DGKI: variants seen among roughly 807,000 people sequenced by gnomAD.
DGKI encodes DAG kinase iota.
Under a neutral mutation model 147.5 loss-of-function variants are expected in DGKI, and 55 were observed. That is an observed-to-expected ratio of 0.37 (90% confidence interval 0.30 to 0.47). DGKI has a LOEUF of 0.47. DGKI is among the 20% of genes least tolerant of loss of function. The probability of loss-of-function intolerance (pLI) is 1.00; values close to 1 mark genes in which losing one functional copy is unlikely to be tolerated. For synonymous variants in DGKI, 469 were observed against 477.1 expected, an observed-to-expected ratio of 0.98 and a Z score of 0.22; for missense variants, 1,007 against 1,323.8, an observed-to-expected ratio of 0.76 and a Z score of 3.71.
intron 1 of DGKI, among the ~76,000 whole-genome samples, chr7:137,813,576 AAAGAAACTG>A (rs938682956): frequency 6.6e-6 from 1 of 152,134 alleles, no homozygotes; most frequent in Non-Finnish European, 1.5e-5. Flanking sequence ...CTTAAAACAG[AAAGAAACTG>A]ATGTCAACTC....
intron 3 of DGKI, among the ~76,000 whole-genome samples, chr7:137,664,093 G>A (rs1456450785): frequency 2.6e-5 from 4 of 152,104 alleles, no homozygotes; most frequent in Non-Finnish European, 5.9e-5. Flanking sequence ...AAAAAATAGT[G>A]CGGCTGGGTG....
At chr7:137,810,264 A>G (rs1399181225) in intron 1 of DGKI, among the ~76,000 whole-genome samples, 1 of 152,242 alleles carries the variant, frequency 6.6e-6, no homozygotes, top group South Asian at 2.1e-4. Flanking sequence ...GTTCCCTACC[A>G]ATCAATGGAT....
intron 1 of DGKI, among the ~76,000 whole-genome samples, chr7:137,824,515 C>CA (rs532349887): frequency 1.4e-3 from 80 of 56,506 alleles, no homozygotes; most frequent in East Asian, 5.4e-3. Context: ...GACTCCATCT[C>CA]AAAAAAAAAA....
Position 137,774,567 on chromosome 7 carries a change from C to G in DGKI, c.401+71895G>C, listed in dbSNP as rs1796305968. The G allele has an allele frequency of 2.0e-5, 3 of 152,152 alleles. No individual in the cohort carries two copies. The South Asian group carries it at 6.2e-4, about 32-fold the overall frequency. 9.4% of individuals were successfully genotyped at this position (152,152 alleles called of 1,614,324 possible). On this transcript the variant is annotated intron_variant, in intron 1 of 32. Coordinates refer to ENST00000614521, the MANE Select transcript of DGKI (RefSeq NM_001321708.2). Reference sequence around the variant, plus strand: ...CCATTACCCTCCCCCTACACACACACAGAGTAAAAAATAAAATTGAACTCA... The same window carrying G: ...CCATTACCCTCCCCCTACACACACAGAGAGTAAAAAATAAAATTGAACTCA...
intron 6 of DGKI, among the ~76,000 whole-genome samples, chr7:137,638,228 T>C (rs1379839338): frequency 6.6e-6 from 1 of 151,964 alleles, no homozygotes; most frequent in African/African-American, 2.4e-5. Flanking sequence ...CATTTGCTGG[T>C]GGCTCTCTGG....
chr7:137,748,336 C>T (rs544253683), intron 1 of DGKI, among the ~76,000 whole-genome samples: 31 of 148,076 alleles, frequency 2.1e-4, no homozygotes, highest in African/African-American at 7.7e-4. Flanking sequence ...TATATAAACA[C>T]ATCTATTGTG....
intron 6 of DGKI, among the ~76,000 whole-genome samples, chr7:137,640,843 G>A (rs1017729546): frequency 6.6e-6 from 1 of 152,118 alleles, no homozygotes; most frequent in Non-Finnish European, 1.5e-5. Flanking sequence ...GAGTAGTTTT[G>A]ATGTTTTCCC....
At chr7:137,460,109 C>T (rs1585135190) in intron 27 of DGKI, among the ~76,000 whole-genome samples, 1 of 152,236 alleles carries the variant, frequency 6.6e-6, no homozygotes, top group African/African-American at 2.4e-5. Context: ...TGAACCTTTC[C>T]TATCCCCCAA....
intron 28 of DGKI, among the ~76,000 whole-genome samples, chr7:137,423,307 C>T (rs914831659): frequency 3.3e-5 from 5 of 152,202 alleles, no homozygotes; most frequent in African/African-American, 1.2e-4. Context: ...TTTACCCCTT[C>T]CTCCAACATC....
chr7:137,761,022 C>G (rs963073976), intron 1 of DGKI, among the ~76,000 whole-genome samples: 17 of 152,144 alleles, frequency 1.1e-4, no homozygotes, highest in South Asian at 4.1e-4. Flanking sequence ...CTCTCAGCAT[C>G]GAAACACAAT....
intron 1 of DGKI, among the ~76,000 whole-genome samples, chr7:137,839,156 G>A (rs999331330): frequency 1.3e-5 from 2 of 152,158 alleles, no homozygotes; most frequent in African/African-American, 4.8e-5. Flanking sequence ...CACACTGACT[G>A]TGCCTCTCTC....
chr7:137,485,238 C>A (rs1012250179), intron 23 of DGKI, 136 bp downstream of exon 23: 4 of 716,032 alleles, frequency 5.6e-6, no homozygotes, highest in East Asian at 2.8e-5. Flanking sequence ...AATCAGAATA[C>A]CATTTTCACT....
chr7:137,628,584 C>T (rs1032325467), intron 6 of DGKI, among the ~76,000 whole-genome samples: 1 of 152,106 alleles, frequency 6.6e-6, no homozygotes, highest in African/African-American at 2.4e-5. Flanking sequence ...CTGACAGATG[C>T]CCTGACTGAA....
At chr7:137,581,096 A>G (rs1264883009) in intron 15 of DGKI, among the ~76,000 whole-genome samples, 5 of 152,160 alleles carry the variant, frequency 3.3e-5, no homozygotes, top group Admixed American at 6.6e-5. Context: ...ACTACAAAAC[A>G]TAAGTCAAAC....
At chr7:137,541,159 G>A (rs1243631091) in intron 20 of DGKI, among the ~76,000 whole-genome samples, 2 of 152,182 alleles carry the variant, frequency 1.3e-5, no homozygotes, top group Non-Finnish European at 2.9e-5. Context: ...TACAATAATA[G>A]AAAGAATATG....
At chr7:137,419,808 G>A (rs919852423) in intron 28 of DGKI, among the ~76,000 whole-genome samples, 1 of 152,128 alleles carries the variant, frequency 6.6e-6, no homozygotes, top group Non-Finnish European at 1.5e-5. Flanking sequence ...AAAAAGACAT[G>A]TGACAAATTA....
rs1019337724 is a variant in DGKI, at chr7:137,689,348, T to A, written c.510+546A>T. ...TCAACTAAAGAGTTTCAGACTATAA[T>A]CTTCAAGTCAAGTTAATAGTTTTTG... On this transcript the variant is annotated intron_variant, in intron 2 of 32. Transcript: ENST00000614521. Among the ~76,000 whole-genome samples, 13 of 152,196 alleles carry A rather than the reference T, an allele frequency of 8.5e-5. 1 individual carries two copies. In the South Asian group the frequency reaches 2.3e-3, roughly 27 times the overall value.
At chr7:137,809,457 T>C (rs1797491933) in intron 1 of DGKI, among the ~76,000 whole-genome samples, 1 of 152,138 alleles carries the variant, frequency 6.6e-6, no homozygotes, top group Non-Finnish European at 1.5e-5. Context: ...AGACTAGTAT[T>C]TTGCCACCAG....
intron 7 of DGKI, among the ~76,000 whole-genome samples, chr7:137,620,892 A>T (rs1486946763): frequency 6.6e-6 from 1 of 152,224 alleles, no homozygotes; most frequent in African/African-American, 2.4e-5. Context: ...TTAAAAATTC[A>T]ACCTCAGTTT....
Sources: gnomAD v4.1 joint callset for allele counts (sites outside exome capture counted in the v4.1 genomes callset) on GRCh38, gnomAD v4.1.1 for gene constraint, MANE v1.5 for transcripts, NCBI Gene and HGNC (gene_info 2026-07-23, HGNC 2026-07-21) for gene names.